The following COL14A1 variants were observed in gnomAD, a reference collection of about 807,000 sequenced individuals.
COL14A1 encodes collagen alpha-1(XIV) chain.
In COL14A1, 136 loss-of-function variants were observed where a neutral mutation model predicts 230.3. The ratio of observed to expected loss-of-function variants is 0.59; its 90% confidence interval spans 0.51 to 0.68. The LOEUF is 0.68. Ranked by LOEUF, COL14A1 falls within the 30% of genes least tolerant of loss-of-function variation. The pLI, the probability that COL14A1 is intolerant of heterozygous loss-of-function variation, is 0.00. For synonymous variants in COL14A1, 792 were observed against 784.1 expected (o/e 1.01, Z -0.17); for missense variants, 1,976 against 2,215.8 (o/e 0.89, Z 2.17).
At chr8:120,169,558 A>G (rs1816032800) in intron 5 of COL14A1, among the ~76,000 whole-genome samples, 1 of 152,040 alleles carries the variant, frequency 6.6e-6, no homozygotes, top group African/African-American at 2.4e-5. Flanking sequence ...AACACATAAA[A>G]ACTTTCTAAA....
chr8:120,264,226 C>T (rs1294081502), intron 24 of COL14A1, among the ~76,000 whole-genome samples: 1 of 152,082 alleles, frequency 6.6e-6, no homozygotes, highest in Admixed American at 6.5e-5. Flanking sequence ...TAGTCTTTTA[C>T]ATCTGGCATC....
chr8:120,354,403 A>G (rs973614803), intron 45 of COL14A1, among the ~76,000 whole-genome samples: 3 of 149,744 alleles, frequency 2.0e-5, no homozygotes, highest in East Asian at 1.9e-4. Flanking sequence ...AAAAAAAAAA[A>G]AAAAAAGAAA....
intron 42 of COL14A1, among the ~76,000 whole-genome samples, chr8:120,340,724 AT>A (rs1245546156): frequency 6.6e-6 from 1 of 152,220 alleles, no homozygotes; most frequent in African/African-American, 2.4e-5. Flanking sequence ...GCTAAGCCAC[AT>A]AATAAAATAA....
intron 45 of COL14A1, among the ~76,000 whole-genome samples, chr8:120,352,098 A>G (rs898705671): frequency 2.6e-5 from 1 of 37,900 alleles, no homozygotes; most frequent in East Asian, 7.3e-4. Flanking sequence ...GCAAATCAAT[A>G]AATGTAATCC....
intron 14 of COL14A1, among the ~76,000 whole-genome samples, chr8:120,216,824 G>A (rs982475675): frequency 6.6e-6 from 1 of 152,220 alleles, no homozygotes; most frequent in African/African-American, 2.4e-5. Flanking sequence ...TTCACATGAT[G>A]CCTTCAGCAT....
intron 21 of COL14A1, 47 bp from the exon 22 acceptor site, chr8:120,250,570 T>C (rs1818905730): frequency 6.3e-7 from 1 of 1,597,456 alleles, no homozygotes; most frequent in African/African-American, 1.3e-5. Context: ...GTGCTTCTAT[T>C]TTCCCATATT....
chr8:120,259,346 G>A (rs966185706), intron 23 of COL14A1, among the ~76,000 whole-genome samples: 1 of 152,094 alleles, frequency 6.6e-6, no homozygotes, highest in Non-Finnish European at 1.5e-5. Context: ...TCTGGAGAAT[G>A]GATTTAGTGT....
Position 120,280,915 on chromosome 8 carries a change from T to C in COL14A1, c.3686-6T>C. 1 of 1,516,532 alleles carries C rather than the reference T, an allele frequency of 6.6e-7. No homozygotes were observed. 93.9% of individuals were successfully genotyped at this position (1,516,532 alleles called of 1,614,324 possible). A position where few individuals can be genotyped will look rare whatever the true frequency, so the allele number is the denominator to read the frequency against. On this transcript the variant is annotated splice_region_variant and splice_polypyrimidine_tract_variant and intron_variant, in intron 30 of 47. Transcript: ENST00000297848. ...TATTCTTTTTCTACTTTTTTTTTTT[T>C]TTTAGGATTTAAGATGATGGAAATG...
At chr8:120,358,247 T>C (rs577975699) in intron 45 of COL14A1, among the ~76,000 whole-genome samples, 13 of 152,330 alleles carry the variant, frequency 8.5e-5, no homozygotes, top group African/African-American at 2.6e-4. Flanking sequence ...ACACATGTCA[T>C]TCAATACCCA....
intron 8 of COL14A1, among the ~76,000 whole-genome samples, chr8:120,202,663 A>T (rs1456200820): frequency 6.6e-6 from 1 of 152,132 alleles, no homozygotes; most frequent in African/African-American, 2.4e-5. Flanking sequence ...CAATAGTTCC[A>T]AACTCATAGG....
chr8:120,306,910 A>G (rs1292115957), intron 36 of COL14A1, among the ~76,000 whole-genome samples: 2 of 152,222 alleles, frequency 1.3e-5, no homozygotes, highest in Non-Finnish European at 2.9e-5. Context: ...ACAAAATTAA[A>G]AAGTTGTGAC....
intron 19 of COL14A1, among the ~76,000 whole-genome samples, chr8:120,234,111 C>CTG (rs894500360): frequency 3.3e-5 from 3 of 90,752 alleles, no homozygotes; most frequent in Middle Eastern, 6.3e-3. Flanking sequence ...TGATTTGGCT[C>CTG]TCTGTCTATT....
rs1333433959 is a variant in COL14A1, at chr8:120,280,721, G to A, written c.3657G>A (p.Val1219=). 3 of 1,613,072 alleles carry A rather than the reference G, an allele frequency of 1.9e-6. No homozygotes were observed. The highest frequency in any genetic ancestry group is 2.7e-5 in the African/African-American group (2 of 74,862). ...TGTTTGGTTTTCCAGCCTGTCCAGT[G>A]GTACACAAGGATGGCATTGATCTTG... ...VCETASATCP[V]VHKDGIDLAG... The change falls in exon 30 of 48, where the codon GTG becomes GTA. Residue 1219 remains valine, a synonymous_variant. Transcript: ENST00000297848.
At chr8:120,342,287 A>G in intron 43 of COL14A1, 93 bp from the exon 44 acceptor site, 2 of 1,293,018 alleles carry the variant, frequency 1.5e-6, no homozygotes, top group South Asian at 2.4e-5. Context: ...CCCTGATGGG[A>G]ACAATGGGGC....
At chr8:120,279,508 C>A (rs772602404) in intron 28 of COL14A1, among the ~76,000 whole-genome samples, 25 of 150,636 alleles carry the variant, frequency 1.7e-4, no homozygotes, top group African/African-American at 4.4e-4. Context: ...AATGGTGGCC[C>A]ACCTTAGGTT....
At chr8:120,138,380 G>A (rs1814779046) in intron 1 of COL14A1, among the ~76,000 whole-genome samples, 1 of 152,044 alleles carries the variant, frequency 6.6e-6, no homozygotes, top group Non-Finnish European at 1.5e-5. Flanking sequence ...TGCAGATTTT[G>A]CTCCCCCTGC....
At chr8:120,157,992 A>G (rs1389988803) in intron 2 of COL14A1, 138 bp from the exon 3 acceptor site, 3 of 504,034 alleles carry the variant, frequency 6.0e-6, no homozygotes, top group Non-Finnish European at 1.0e-5. Context: ...CTCAAAAAGC[A>G]TATGTATATA....
rs747880620 is a variant in COL14A1, at chr8:120,279,966, T to C, written c.3513T>C (p.Asp1171=). The C allele has an allele frequency of 1.9e-6, 3 of 1,613,768 alleles. No individual in the cohort carries two copies. The highest frequency in any genetic ancestry group is 3.3e-5 in the Admixed American group (2 of 59,914). The part of the protein sequence containing the change: ...GYSIFAIGVA[D]ADYSELVSIG... ...GCATTTTTGCAATTGGTGTGGCCGA[T>C]GCAGATTACTCGGAGTTGGTTAGCA... Residue 1171 remains aspartate, a synonymous_variant, in exon 29 of 48, where the codon GAT becomes GAC. Coordinates refer to ENST00000297848, the MANE Select transcript of COL14A1 (RefSeq NM_021110.4).
intron 2 of COL14A1, among the ~76,000 whole-genome samples, chr8:120,156,195 T>C (rs929630125): frequency 2.0e-5 from 3 of 148,304 alleles, no homozygotes; most frequent in Non-Finnish European, 3.0e-5. Flanking sequence ...TGAGATGGAG[T>C]CTCTCTCTGT....
Sources: gnomAD v4.1 joint callset for allele counts (sites outside exome capture counted in the v4.1 genomes callset) on GRCh38, gnomAD v4.1.1 for gene constraint, MANE v1.5 for transcripts, NCBI Gene and HGNC (gene_info 2026-07-23, HGNC 2026-07-21) for gene names.